The following CSMD1 variants were observed in gnomAD, a reference collection of about 807,000 sequenced individuals.
CSMD1 encodes CUB and Sushi multiple domains 1, also known as CUB and sushi domain-containing protein 1.
A neutral mutation model predicts 417.5 loss-of-function variants in CSMD1; 213 were observed. That is an observed-to-expected ratio of 0.51 (90% CI 0.46 to 0.57). The LOEUF is 0.57. CSMD1 is among the 20% of genes least tolerant of loss of function. CSMD1 has a pLI of 0.00. For synonymous variants in CSMD1, 2,862 were observed against 1,736.8 expected, an observed-to-expected ratio of 1.65 and a Z score of -16.11; for missense variants, 6,923 against 4,529.7, an observed-to-expected ratio of 1.53 and a Z score of -15.17.
intron 7 of CSMD1, among the ~76,000 whole-genome samples, chr8:3,648,237 A>T (rs1024149311): frequency 4.6e-5 from 7 of 152,248 alleles, no homozygotes; most frequent in Non-Finnish European, 1.0e-4. Flanking sequence ...TTTTACTTTT[A>T]CTTTGCTATT....
At chr8:4,841,102 C>A (rs1204920788) in intron 1 of CSMD1, among the ~76,000 whole-genome samples, 1 of 152,142 alleles carries the variant, frequency 6.6e-6, no homozygotes, top group Non-Finnish European at 1.5e-5. Flanking sequence ...GGATCTTTGT[C>A]GACTGCAGAA....
At chr8:3,463,650 C>T (rs568803261) in intron 12 of CSMD1, among the ~76,000 whole-genome samples, 1 of 152,298 alleles carries the variant, frequency 6.6e-6, no homozygotes, top group Admixed American at 6.5e-5. Flanking sequence ...GCACCCTGTG[C>T]CGTCATTGCA....
At chr8:3,382,188 G>T (rs1810671985) in intron 18 of CSMD1, among the ~76,000 whole-genome samples, 1 of 151,844 alleles carries the variant, frequency 6.6e-6, no homozygotes, top group South Asian at 2.1e-4. Flanking sequence ...GAACCTGGGA[G>T]GCGGAGGTTT....
At chr8:3,291,542 G>T (rs552463827) in intron 25 of CSMD1, among the ~76,000 whole-genome samples, 162 of 152,136 alleles carry the variant, frequency 1.1e-3, no homozygotes, top group Non-Finnish European at 1.9e-3. Flanking sequence ...ACTTCTTCCT[G>T]GTTTAGTCTT....
chr8:3,222,662 A>G (rs17079645), intron 28 of CSMD1, among the ~76,000 whole-genome samples: 12,094 of 152,110 alleles, frequency 0.08, 537 homozygotes, highest in African/African-American at 0.11. Flanking sequence ...TCCTAATTTT[A>G]AGGAAGACGC....
intron 3 of CSMD1, among the ~76,000 whole-genome samples, chr8:4,190,570 C>T (rs1798966300): frequency 6.7e-6 from 1 of 149,700 alleles, no homozygotes; most frequent in South Asian, 2.1e-4. Flanking sequence ...GAAAGAGACT[C>T]TGATGATCTA....
intron 1 of CSMD1, among the ~76,000 whole-genome samples, chr8:4,736,801 G>A (rs995916370): frequency 6.6e-6 from 1 of 152,156 alleles, no homozygotes; most frequent in Non-Finnish European, 1.5e-5. Flanking sequence ...ATAAACAAGT[G>A]CCTTCACTTC....
chr8:3,343,860 C>G (rs1807816902), intron 22 of CSMD1, among the ~76,000 whole-genome samples: 1 of 152,150 alleles, frequency 6.6e-6, no homozygotes, highest in South Asian at 2.1e-4. Flanking sequence ...TCAACTAAGT[C>G]AAAGAACATA....
intron 6 of CSMD1, among the ~76,000 whole-genome samples, chr8:3,728,787 G>C (rs575071545): frequency 6.6e-6 from 1 of 152,118 alleles, no homozygotes; most frequent in African/African-American, 2.4e-5. Flanking sequence ...TCAAATATGA[G>C]GTTTATTCAG....
chr8:3,842,523 T>C (rs901565993), intron 5 of CSMD1, among the ~76,000 whole-genome samples: 5 of 151,800 alleles, frequency 3.3e-5, no homozygotes, highest in African/African-American at 9.7e-5. Context: ...TGGGTTCCAA[T>C]TGTAGATCTA....
intron 3 of CSMD1, among the ~76,000 whole-genome samples, chr8:4,092,174 A>T (rs1416892935): frequency 1.3e-5 from 2 of 152,242 alleles, no homozygotes; most frequent in East Asian, 1.9e-4. Flanking sequence ...GGACAATTTC[A>T]AAATCCATTG....
In CSMD1 at chr8:4,031,293, T is replaced by C. The variant is rs771633586; in HGVS notation, c.610+612A>G. Among the ~76,000 whole-genome samples, 3 of 152,300 alleles carry C rather than the reference T, an allele frequency of 2.0e-5. No homozygotes were observed. In the East Asian group the frequency reaches 5.8e-4, roughly 29 times the overall value. ...CAATTTACAAAAGAAAGAAGTTTAA[T>C]AGACTTACCGTCCCAAGTGGCTGGG... On this transcript the variant is annotated intron_variant, in intron 4 of 69. Transcript: ENST00000635120.
intron 2 of CSMD1, among the ~76,000 whole-genome samples, chr8:4,632,376 G>C (rs969569159): frequency 1.4e-5 from 2 of 143,944 alleles, no homozygotes; most frequent in Non-Finnish European, 3.0e-5. Flanking sequence ...AGCCAGGTGT[G>C]GTGGTGCACC....
intron 12 of CSMD1, among the ~76,000 whole-genome samples, chr8:3,410,594 A>T (rs1317000408): frequency 6.6e-6 from 1 of 152,278 alleles, no homozygotes; most frequent in South Asian, 2.1e-4. Flanking sequence ...TGCCTTCGCC[A>T]TGATTGTGAG....
rs550822528 is a variant in CSMD1 at position 4,260,132 on chromosome 8, C to A, written c.415+159821G>T. On this transcript the variant is annotated intron_variant, in intron 3 of 69. Coordinates refer to ENST00000635120, the MANE Select transcript of CSMD1 (RefSeq NM_033225.6). ...TCTTCAACAAATTGCTAAGTCAATG[C>A]ACCTGATCTACAGTGGCTAAGTCCC... Among the ~76,000 whole-genome samples the A allele has an allele frequency of 2.0e-5, 3 of 152,244 alleles. No individual in the cohort carries two copies. In the South Asian group the frequency reaches 6.2e-4, roughly 32 times the overall value.
At position 4,168,763 on chromosome 8, in the gene CSMD1, T is replaced by C. The variant is rs182140859; in HGVS notation, c.416-136664A>G. 8.8e-4 allele frequency among the ~76,000 whole-genome samples: 134 copies of C among 152,310 alleles called. 1 individual carries two copies. Among genetic ancestry groups the C allele is most frequent in the Middle Eastern group, 6.8e-3 (2 of 294 alleles). ...TTGGCTATTCAAGTTAGGCTTTATT[T>C]CTTTTCCTTACAATAAAACTCTCCT... On this transcript the variant is annotated intron_variant, in intron 3 of 69. Transcript: ENST00000635120.
At chr8:3,966,961 T>C (rs1585047276) in intron 5 of CSMD1, among the ~76,000 whole-genome samples, 1 of 152,206 alleles carries the variant, frequency 6.6e-6, no homozygotes, top group Non-Finnish European at 1.5e-5. Flanking sequence ...AAATTCTCCA[T>C]TCTGTTTTCA....
chr8:3,946,725 G>C (rs972746658), intron 5 of CSMD1, among the ~76,000 whole-genome samples: 2 of 151,930 alleles, frequency 1.3e-5, no homozygotes, highest in African/African-American at 4.8e-5. Context: ...TATTTTGTTA[G>C]GTCTTTAGTA....
chr8:4,758,427 G>C (rs897811939), intron 1 of CSMD1, among the ~76,000 whole-genome samples: 1 of 152,092 alleles, frequency 6.6e-6, no homozygotes, highest in East Asian at 1.9e-4. Flanking sequence ...AACACAAAAT[G>C]GCATAAAGGT....
Sources: gnomAD v4.1 joint callset for allele counts (sites outside exome capture counted in the v4.1 genomes callset) on GRCh38, gnomAD v4.1.1 for gene constraint, MANE v1.5 for transcripts, NCBI Gene and HGNC (gene_info 2026-07-23, HGNC 2026-07-21) for gene names.